SBF2: variants seen among roughly 807,000 people sequenced by gnomAD.
SBF2 encodes SET binding factor 2.
A neutral mutation model predicts 225.2 loss-of-function variants in SBF2; 112 were observed. The ratio of observed to expected loss-of-function variants is 0.50; its 90% CI spans 0.43 to 0.58. The LOEUF is 0.58. Ranked by LOEUF, SBF2 falls within the 20% of genes least tolerant of loss-of-function variation. The pLI is 0.00. For missense variants in SBF2, 1,996 were observed against 2,206.2 expected, an observed-to-expected ratio of 0.90 and a Z score of 1.91; for synonymous variants, 763 against 773.3, an observed-to-expected ratio of 0.99 and a Z score of 0.22.
At chr11:9,781,861 C>A (rs1026107268) in intron 38 of SBF2, among the ~76,000 whole-genome samples, 1 of 152,056 alleles carries the variant, frequency 6.6e-6, no homozygotes, top group Admixed American at 6.6e-5. Flanking sequence ...GTTTGAAAAT[C>A]AAACAAATAA....
intron 16 of SBF2, among the ~76,000 whole-genome samples, chr11:9,933,735 T>A (rs1864674312): frequency 1.3e-5 from 2 of 151,780 alleles, no homozygotes; most frequent in South Asian, 4.2e-4. Flanking sequence ...CATCCTAACA[T>A]CACAATCAAA....
At chr11:9,886,029 G>GT (rs1564957329) in intron 17 of SBF2, among the ~76,000 whole-genome samples, 1 of 152,176 alleles carries the variant, frequency 6.6e-6, no homozygotes, top group Non-Finnish European at 1.5e-5. Flanking sequence ...CCCTTTACCT[G>GT]TTTGTGGGAG....
chr11:10,073,666 A>C (rs573027211), intron 2 of SBF2, among the ~76,000 whole-genome samples: 20 of 152,286 alleles, frequency 1.3e-4, no homozygotes, highest in Non-Finnish European at 5.9e-5. Flanking sequence ...GCAGTGAGCC[A>C]AGATTGTGAG....
chr11:10,280,579 T>C (rs1963338112), intron 1 of SBF2, among the ~76,000 whole-genome samples: 1 of 152,186 alleles, frequency 6.6e-6, no homozygotes, highest in Non-Finnish European at 1.5e-5. Flanking sequence ...CATTCAAAGT[T>C]TTCCAACCAG....
intron 1 of SBF2, among the ~76,000 whole-genome samples, chr11:10,219,133 T>A (rs376128745): frequency 2.4e-4 from 37 of 152,306 alleles, no homozygotes; most frequent in South Asian, 8.3e-4. Context: ...AGGTTCTCCA[T>A]GAAGACTCCA....
rs559701846 is a variant in SBF2 at position 9,988,559 on chromosome 11, A to T, written c.1395+938T>A. On this transcript the variant is annotated intron_variant, in intron 13 of 39. Coordinates refer to ENST00000256190, the MANE Select transcript of SBF2 (RefSeq NM_030962.4). ...TACAACAAACTCAAACAAATCAGTAAGAAAAAAACAATCCCATCCAAAAGT... is the reference window on the plus strand; with the variant it reads ...TACAACAAACTCAAACAAATCAGTATGAAAAAAACAATCCCATCCAAAAGT... Among the ~76,000 whole-genome samples, 9 of 152,326 alleles carry T rather than the reference A, an allele frequency of 5.9e-5. No homozygotes were observed. The East Asian group carries it at 1.7e-3, about 29-fold the overall frequency.
chr11:9,784,228 A>C (rs1166146066), intron 38 of SBF2, 123 bp downstream of exon 38: 1 of 767,136 alleles, frequency 1.3e-6, no homozygotes, highest in Non-Finnish European at 2.3e-6. Flanking sequence ...CAGACTACAT[A>C]TGAGAGGCAC....
chr11:10,058,532 T>C (rs901094175), intron 2 of SBF2, among the ~76,000 whole-genome samples: 25 of 152,176 alleles, frequency 1.6e-4, no homozygotes, highest in African/African-American at 5.5e-4. Flanking sequence ...CAGAAATCTA[T>C]GAATCACTGG....
intron 16 of SBF2, among the ~76,000 whole-genome samples, chr11:9,897,947 TC>T (rs960779642): frequency 6.6e-6 from 1 of 152,124 alleles, no homozygotes; most frequent in Non-Finnish European, 1.5e-5. Flanking sequence ...TGTCTGAACT[TC>T]CAGCACTAAT....
At chr11:10,259,486 A>G (rs1961221694) in intron 1 of SBF2, among the ~76,000 whole-genome samples, 1 of 152,212 alleles carries the variant, frequency 6.6e-6, no homozygotes, top group African/African-American at 2.4e-5. Context: ...ACTAAGAAAA[A>G]AGAAAAATCC....
intron 28 of SBF2, chr11:9,828,605 AACCCTTT>A (rs1824088184): frequency 4.1e-6 from 4 of 985,338 alleles, no homozygotes; most frequent in Non-Finnish European, 1.2e-6. Flanking sequence ...CCTCTACATG[AACCCTTT>A]GGGGTTCCAT....
At chr11:10,280,648 A>G (rs1963343446) in intron 1 of SBF2, among the ~76,000 whole-genome samples, 1 of 152,222 alleles carries the variant, frequency 6.6e-6, no homozygotes, top group African/African-American at 2.4e-5. Flanking sequence ...TGCTGCCTCT[A>G]CTTCTTATTC....
chr11:9,958,960 T>C, intron 16 of SBF2: 1 of 718,170 alleles, frequency 1.4e-6, no homozygotes, highest in Non-Finnish European at 2.5e-6. Flanking sequence ...AATGTGGATG[T>C]GGTACTGCTG....
At chr11:10,228,863 C>T (rs142445677) in intron 1 of SBF2, among the ~76,000 whole-genome samples, 63,514 of 151,680 alleles carry the variant, frequency 0.42, 14,041 homozygotes, top group Non-Finnish European at 0.49. Flanking sequence ...CCTCTTTTTC[C>T]ATTGATTGGA....
In SBF2 at chr11:9,980,289, T is replaced by TAA. The variant is rs1170874978; in HGVS notation, c.1395+9206_1395+9207dup. ...GCCACCATACCCAGCCTCTTGTAAT[T>TAA]AAAAAAAAAAAAAAAAAAAAAAAAT... On this transcript the variant is annotated intron_variant, in intron 13 of 39. Coordinates refer to ENST00000256190, the MANE Select transcript of SBF2 (RefSeq NM_030962.4). Among the ~76,000 whole-genome samples, 462 of 105,836 alleles carry TAA rather than the reference T, an allele frequency of 4.4e-3. 4 individuals are homozygous for TAA. The highest frequency in any genetic ancestry group is 0.011 in the Middle Eastern group (2 of 188). The allele number at this position is 105,836 out of a possible 152,430, so 69.4% of individuals were successfully genotyped here. A position where few individuals can be genotyped will look rare whatever the true frequency, so the allele number is the denominator to read the frequency against.
intron 17 of SBF2, among the ~76,000 whole-genome samples, chr11:9,870,199 CAG>C (rs1858607107): frequency 6.6e-6 from 1 of 152,102 alleles, no homozygotes; most frequent in Non-Finnish European, 1.5e-5. Context: ...TCAAAAAAAT[CAG>C]AGAGGACACA....
Position 9,778,778 on chromosome 11 carries a change from G to A in SBF2, c.*1640C>T, listed in dbSNP as rs1477090712. 1.3e-5 allele frequency: 2 copies of A among 152,594 alleles called. No individual in the cohort carries two copies. Among genetic ancestry groups the A allele is most frequent in the Non-Finnish European group, 2.9e-5 (2 of 68,020 alleles). The allele number at this position is 152,594 out of a possible 1,614,324, so 9.5% of individuals were successfully genotyped here. ...ATGAACTTTAGTTCACAGTAAATGA[G>A]GGATGCTTTTTCTTAAGAAATAAAT... On this transcript the variant is annotated 3_prime_UTR_variant, in exon 40 of 40. Coordinates refer to ENST00000256190, the MANE Select transcript of SBF2 (RefSeq NM_030962.4).
intron 18 of SBF2, 101 bp downstream of exon 18, chr11:9,858,125 G>A (rs1857451248): frequency 1.5e-6 from 2 of 1,305,510 alleles, no homozygotes; most frequent in Admixed American, 1.7e-5. Flanking sequence ...CAAATACACT[G>A]GCAGGAAGTA....
intron 8 of SBF2, among the ~76,000 whole-genome samples, chr11:9,998,712 C>A (rs1947816291): frequency 6.6e-6 from 1 of 152,184 alleles, no homozygotes; most frequent in Admixed American, 6.5e-5. Flanking sequence ...GGCAGCAAAC[C>A]AGCCTTCAGC....
Sources: allele counts gnomAD v4.1 joint callset (sites outside exome capture counted in the v4.1 genomes callset), GRCh38; gene constraint gnomAD v4.1.1; transcripts MANE v1.5; gene names NCBI Gene and HGNC (gene_info 2026-07-23, HGNC 2026-07-21).